NCKAP5: variants seen among roughly 807,000 people sequenced by gnomAD.
The protein encoded by NCKAP5 is NCK associated protein 5, also known as nck-associated protein 5.
Under a neutral mutation model 167.0 loss-of-function variants are expected in NCKAP5, and 92 were observed. The observed-to-expected ratio is 0.55, with a 90% CI of 0.47 to 0.66. The LOEUF is 0.66. Among genes scored for constraint, NCKAP5 ranks in the 30% least tolerant of loss-of-function variants. The pLI, the probability that NCKAP5 is intolerant of heterozygous loss-of-function variation, is 0.00. For synonymous variants in NCKAP5, 891 were observed against 877.4 expected (o/e 1.02, Z -0.27); for missense variants, 2,378 against 2,315.0 (o/e 1.03, Z -0.56).
At chr2:132,730,472 G>A (rs1690888682) in intron 17 of NCKAP5, among the ~76,000 whole-genome samples, 1 of 152,184 alleles carries the variant, frequency 6.6e-6, no homozygotes, top group Non-Finnish European at 1.5e-5. Context: ...TCCAGCCTGG[G>A]CGACGGAGTG....
intron 19 of NCKAP5, among the ~76,000 whole-genome samples, chr2:132,712,391 C>T (rs998446590): frequency 6.6e-6 from 1 of 152,168 alleles, no homozygotes; most frequent in Admixed American, 6.5e-5. Context: ...GTGGCTCACT[C>T]CTGTAATCCC....
chr2:132,947,086 C>G (rs2149125090), intron 8 of NCKAP5, among the ~76,000 whole-genome samples: 1 of 152,250 alleles, frequency 6.6e-6, no homozygotes, highest in Admixed American at 6.5e-5. Flanking sequence ...TGAATAGTTT[C>G]TTATTTGTCA....
At chr2:133,387,356 G>C (rs1485190298) in intron 3 of NCKAP5, among the ~76,000 whole-genome samples, 2 of 152,170 alleles carry the variant, frequency 1.3e-5, no homozygotes, top group Admixed American at 6.5e-5. Context: ...TTTTCTTTAA[G>C]AATGTTGAAT....
At chr2:133,586,751 T>TCTCA in the NCKAP5 span, among the ~76,000 whole-genome samples, 1 of 140,932 alleles carries the variant, frequency 7.1e-6, no homozygotes, top group South Asian at 2.4e-4. Flanking sequence ...GACAGCAATA[T>TCTCA]CACACACACA....
At chr2:133,068,187 G>A (rs1307225258) in intron 6 of NCKAP5, among the ~76,000 whole-genome samples, 1 of 152,176 alleles carries the variant, frequency 6.6e-6, no homozygotes, top group Non-Finnish European at 1.5e-5. Flanking sequence ...GCTTAATGCT[G>A]ATGGTGGGGC....
chr2:132,807,215 T>G (rs978828130), intron 11 of NCKAP5, among the ~76,000 whole-genome samples: 1 of 152,180 alleles, frequency 6.6e-6, no homozygotes, highest in Non-Finnish European at 1.5e-5. Flanking sequence ...TTGTTATTTT[T>G]GTTTAGTCTT....
chr2:133,162,368 T>A (rs893315693), intron 5 of NCKAP5, among the ~76,000 whole-genome samples: 1 of 152,252 alleles, frequency 6.6e-6, no homozygotes, highest in Non-Finnish European at 1.5e-5. Context: ...TAAAAAGTAC[T>A]GTACCAACAT....
intron 3 of NCKAP5, among the ~76,000 whole-genome samples, chr2:133,341,520 A>T (rs1683581577): frequency 6.6e-6 from 1 of 152,182 alleles, no homozygotes; most frequent in African/African-American, 2.4e-5. Flanking sequence ...TTATTACTCT[A>T]CTGTACATAT....
intron 4 of NCKAP5, among the ~76,000 whole-genome samples, chr2:133,292,855 T>C (rs896999344): frequency 6.6e-6 from 1 of 152,220 alleles, no homozygotes; most frequent in African/African-American, 2.4e-5. Context: ...TGTTGGTTAA[T>C]AGTGACTCCA....
chr2:132,701,754 CT>C (rs889338263), intron 19 of NCKAP5, among the ~76,000 whole-genome samples: 2 of 152,138 alleles, frequency 1.3e-5, no homozygotes, highest in African/African-American at 4.8e-5. Context: ...AATAGTGTTT[CT>C]GTTCCTACAA....
At chr2:133,493,258 A>G (rs111621948) in intron 3 of NCKAP5, among the ~76,000 whole-genome samples, 4,798 of 152,330 alleles carry the variant, frequency 0.031, 102 homozygotes, top group Admixed American at 0.072. Flanking sequence ...CAGATGTATA[A>G]CAGTTGACAG....
chr2:132,735,077 G>C (rs1457142831), intron 16 of NCKAP5, among the ~76,000 whole-genome samples: 1 of 152,202 alleles, frequency 6.6e-6, no homozygotes, highest in Non-Finnish European at 1.5e-5. Context: ...TCCTTTGCAG[G>C]ATGCCTATGC....
At chr2:132,896,176 AAC>A (rs1693187863) in intron 8 of NCKAP5, among the ~76,000 whole-genome samples, 1 of 152,118 alleles carries the variant, frequency 6.6e-6, no homozygotes, top group Non-Finnish European at 1.5e-5. Context: ...ACAAAAACAA[AAC>A]ACAGTAAACT....
chr2:133,228,521 C>T (rs1174597850), intron 4 of NCKAP5, among the ~76,000 whole-genome samples: 1 of 152,208 alleles, frequency 6.6e-6, no homozygotes, highest in Admixed American at 6.5e-5. Flanking sequence ...CTTCCCTCTA[C>T]AACACTTAAC....
rs57716869 is a variant in NCKAP5, at chr2:133,347,246, G to A, written c.70-44136C>T. On this transcript the variant is annotated intron_variant, in intron 3 of 19. Coordinates refer to ENST00000409261, the MANE Select transcript of NCKAP5 (RefSeq NM_207363.3). ...TAAAACTTTCAAAATTGTGTGGGGGGAGTTAATTATAAAGTATAAATATTC... is the reference window on the plus strand; with the variant it reads ...TAAAACTTTCAAAATTGTGTGGGGGAAGTTAATTATAAAGTATAAATATTC... Among the ~76,000 whole-genome samples the A allele has an allele frequency of 3.4e-3, 514 of 152,176 alleles. 7 individuals carry two copies. The highest frequency in any genetic ancestry group is 0.012 in the African/African-American group (484 of 41,522).
In NCKAP5 at chr2:133,217,871, C is replaced by A. The variant is rs1002454706; in HGVS notation, c.144-4092G>T. The stretch of plus-strand genomic sequence containing the variant: ...GATTCCCACAGGGTATCCTCTGGTT[C>A]TGGTTAACCACAAAAGCTTTTTTAC... On this transcript the variant is annotated intron_variant, in intron 4 of 19. Coordinates refer to ENST00000409261, the MANE Select transcript of NCKAP5 (RefSeq NM_207363.3). Among the ~76,000 whole-genome samples the A allele has an allele frequency of 1.0e-3, 158 of 152,198 alleles. 1 individual carries two copies. Among genetic ancestry groups the A allele is most frequent in the Non-Finnish European group, 4.1e-4 (28 of 67,978 alleles).
At chr2:133,305,120 G>A (rs1680686127) in intron 3 of NCKAP5, among the ~76,000 whole-genome samples, 1 of 152,150 alleles carries the variant, frequency 6.6e-6, no homozygotes, top group Non-Finnish European at 1.5e-5. Context: ...AGGGATACTG[G>A]GTCTAAAATG....
intron 3 of NCKAP5, among the ~76,000 whole-genome samples, chr2:133,470,716 C>A (rs891448141): frequency 6.6e-6 from 1 of 152,196 alleles, no homozygotes; most frequent in Non-Finnish European, 1.5e-5. Flanking sequence ...TCTCGTGGTG[C>A]GCCGTTTTTT....
intron 3 of NCKAP5, among the ~76,000 whole-genome samples, chr2:133,325,934 A>C (rs1318283306): frequency 6.6e-6 from 1 of 152,214 alleles, no homozygotes; most frequent in Non-Finnish European, 1.5e-5. Context: ...GGATGTCATC[A>C]AAAAGAAGTT....
Sources: gnomAD v4.1 joint callset for allele counts (sites outside exome capture counted in the v4.1 genomes callset) on GRCh38, gnomAD v4.1.1 for gene constraint, MANE v1.5 for transcripts, NCBI Gene and HGNC (gene_info 2026-07-23, HGNC 2026-07-21) for gene names.